The following DPF3 variants were observed in gnomAD, a reference collection of about 807,000 sequenced individuals.
DPF3 encodes double PHD fingers 3.
In DPF3, 18 loss-of-function variants were observed where a neutral mutation model predicts 56.8. The observed-to-expected ratio is 0.32, with a 90% confidence interval of 0.22 to 0.47. DPF3 has a LOEUF of 0.47. Ranked by LOEUF, DPF3 falls within the 20% of genes least tolerant of loss-of-function variation. The pLI, the probability that DPF3 is intolerant of heterozygous loss-of-function variation, is 1.00. For missense variants in DPF3, 403 were observed against 488.8 expected (o/e 0.82, Z 1.65); for synonymous variants, 188 against 180.2 (o/e 1.04, Z -0.35).
At chr14:72,758,638 C>A (rs1890937905) in intron 2 of DPF3, among the ~76,000 whole-genome samples, 1 of 152,052 alleles carries the variant, frequency 6.6e-6, no homozygotes, top group Non-Finnish European at 1.5e-5. Flanking sequence ...TCGGTGTGCA[C>A]AAGGGGGCGG....
chr14:72,632,351 C>T (rs968357474), intron 8 of DPF3, among the ~76,000 whole-genome samples: 30 of 152,130 alleles, frequency 2.0e-4, no homozygotes, highest in African/African-American at 6.5e-4. Flanking sequence ...TCTATGATTG[C>T]ATTAATATCA....
intron 6 of DPF3, among the ~76,000 whole-genome samples, chr14:72,714,103 A>T (rs1599378298): frequency 1.3e-5 from 2 of 152,200 alleles, no homozygotes. Context: ...ATAGAGGATG[A>T]ATCTTAAAGG....
At chr14:72,748,884 A>G (rs2139892313) in intron 3 of DPF3, among the ~76,000 whole-genome samples, 1 of 152,360 alleles carries the variant, frequency 6.6e-6, no homozygotes, top group South Asian at 2.1e-4. Context: ...AGATGTATGG[A>G]AATGCCTGGA....
chr14:72,683,279 A>G (rs1887243348), intron 7 of DPF3, among the ~76,000 whole-genome samples: 1 of 147,640 alleles, frequency 6.8e-6, no homozygotes, highest in Non-Finnish European at 1.5e-5. Context: ...GTGAGCCGAG[A>G]TCGCACCACT....
chr14:72,657,297 T>A (rs1886086031), intron 8 of DPF3, among the ~76,000 whole-genome samples: 1 of 152,236 alleles, frequency 6.6e-6, no homozygotes, highest in South Asian at 2.1e-4. Context: ...CCATCTATGT[T>A]CACTTAACTC....
chr14:72,819,246 G>A (rs571804213), intron 1 of DPF3, among the ~76,000 whole-genome samples: 16 of 152,194 alleles, frequency 1.1e-4, no homozygotes, highest in Non-Finnish European at 2.1e-4. Flanking sequence ...CACTGCTGAC[G>A]GGAATATGCA....
chr14:72,864,275 T>C (rs1297366829), intron 1 of DPF3, among the ~76,000 whole-genome samples: 1 of 152,108 alleles, frequency 6.6e-6, no homozygotes, highest in African/African-American at 2.4e-5. Flanking sequence ...CTCTGCTCAA[T>C]CACCACCTTC....
At chr14:72,875,483 T>A (rs868235819) in intron 1 of DPF3, among the ~76,000 whole-genome samples, 44 of 152,094 alleles carry the variant, frequency 2.9e-4, no homozygotes, top group African/African-American at 1.0e-3. Context: ...AACAACCCCA[T>A]AAAGACAAAA....
chr14:72,797,276 T>C (rs1263182824), intron 1 of DPF3, among the ~76,000 whole-genome samples: 3 of 152,080 alleles, frequency 2.0e-5, no homozygotes, highest in African/African-American at 4.8e-5. Flanking sequence ...TGCAGACACA[T>C]AGGTTAACCA....
At chr14:72,741,811 T>A (rs1890133786) in intron 3 of DPF3, among the ~76,000 whole-genome samples, 1 of 152,210 alleles carries the variant, frequency 6.6e-6, no homozygotes, top group South Asian at 2.1e-4. Flanking sequence ...GGCAATGGCA[T>A]AACTGGGTGA....
chr14:72,778,616 G>A (rs1193424714), intron 1 of DPF3, among the ~76,000 whole-genome samples: 1 of 152,158 alleles, frequency 6.6e-6, no homozygotes, highest in African/African-American at 2.4e-5. Flanking sequence ...ACCCCAGTCG[G>A]TGGAAAAATG....
intron 1 of DPF3, among the ~76,000 whole-genome samples, chr14:72,785,270 T>C (rs944914217): frequency 3.3e-5 from 5 of 152,248 alleles, no homozygotes; most frequent in Non-Finnish European, 7.3e-5. Context: ...GGCACTGTTC[T>C]AAGCACTTTA....
intron 8 of DPF3, among the ~76,000 whole-genome samples, chr14:72,648,169 A>G (rs1885781649): frequency 6.6e-6 from 1 of 152,174 alleles, no homozygotes; most frequent in African/African-American, 2.4e-5. Flanking sequence ...CACTAGTCGA[A>G]TTATTCTCCC....
chr14:72,653,120 A>C (rs1002203055), intron 8 of DPF3, among the ~76,000 whole-genome samples: 2 of 152,232 alleles, frequency 1.3e-5, no homozygotes, highest in Non-Finnish European at 2.9e-5. Flanking sequence ...TAATGCGAAC[A>C]TCAGAAGGAA....
At chr14:72,864,083 T>TA (rs1257810044) in intron 1 of DPF3, among the ~76,000 whole-genome samples, 2 of 152,214 alleles carry the variant, frequency 1.3e-5, no homozygotes, top group East Asian at 3.9e-4. Context: ...CCTCCTCTGG[T>TA]AAGTGCGCCC....
chr14:72,661,432 C>G (rs2240344), intron 8 of DPF3: 398,132 of 985,076 alleles, frequency 0.4, 82,349 homozygotes, highest in East Asian at 0.83. Flanking sequence ...AATACCCAGC[C>G]TTAGACTATT....
At chr14:72,782,043 G>C (rs902641690) in intron 1 of DPF3, among the ~76,000 whole-genome samples, 1 of 152,026 alleles carries the variant, frequency 6.6e-6, no homozygotes, top group African/African-American at 2.4e-5. Context: ...GAGTGTGATC[G>C]CCTATAGAAG....
chr14:72,824,148 C>T (rs1455577214), intron 1 of DPF3, among the ~76,000 whole-genome samples: 1 of 152,128 alleles, frequency 6.6e-6, no homozygotes, highest in Non-Finnish European at 1.5e-5. Flanking sequence ...GAGCAAAATC[C>T]AGAAACAAGG....
chr14:72,612,547 C>A lies in DPF3; in HGVS notation c.*6750G>T, dbSNP rs1489814174. Reference sequence around the variant, plus strand: ...TGCTTCCCACTTCCCACCTCCACCCCACTCCTTAGCATCTATCACGGCAGA... The same window carrying A: ...TGCTTCCCACTTCCCACCTCCACCCAACTCCTTAGCATCTATCACGGCAGA... On this transcript the variant is annotated 3_prime_UTR_variant, in exon 11 of 11. Transcript: ENST00000556509. 1 of 516,320 alleles carries A rather than the reference C, an allele frequency of 1.9e-6. No homozygotes were observed. Among genetic ancestry groups the A allele is most frequent in the Non-Finnish European group, 3.9e-6 (1 of 259,622 alleles). 32.0% of individuals were successfully genotyped at this position (516,320 alleles called of 1,614,324 possible).
Sources: allele counts gnomAD v4.1 joint callset (sites outside exome capture counted in the v4.1 genomes callset), GRCh38; gene constraint gnomAD v4.1.1; transcripts MANE v1.5; gene names NCBI Gene and HGNC (gene_info 2026-07-23, HGNC 2026-07-21).